The following INSR variants were observed in gnomAD, a reference collection of about 807,000 sequenced individuals.
The protein encoded by INSR is IR.
Under a neutral mutation model 142.6 loss-of-function variants are expected in INSR, and 67 were observed. The ratio of observed to expected loss-of-function variants is 0.47; its 90% CI spans 0.39 to 0.58. The LOEUF (loss-of-function observed/expected upper bound fraction) is 0.58. Among genes scored for constraint, INSR ranks in the 20% least tolerant of loss-of-function variants. The pLI, the probability that INSR is intolerant of heterozygous loss-of-function variation, is 0.00. For synonymous variants in INSR, 756 were observed against 743.1 expected (o/e 1.02, Z -0.28); for missense variants, 1,248 against 1,833.2 (o/e 0.68, Z 5.83).
At chr19:7,246,575 T>C (rs568060220) in intron 2 of INSR, among the ~76,000 whole-genome samples, 2 of 152,336 alleles carry the variant, frequency 1.3e-5, no homozygotes, top group South Asian at 4.1e-4. Context: ...CAAAGAATCA[T>C]GAGCTAAGTA....
intron 2 of INSR, among the ~76,000 whole-genome samples, chr19:7,200,659 C>G (rs1175798649): frequency 6.6e-6 from 1 of 151,306 alleles, no homozygotes; most frequent in Non-Finnish European, 1.5e-5. Flanking sequence ...GGCAACATAG[C>G]AAGACCTCAT....
chr19:7,238,981 A>AAAAAAG (rs1347970882), intron 2 of INSR, among the ~76,000 whole-genome samples: 1 of 151,540 alleles, frequency 6.6e-6, no homozygotes, highest in African/African-American at 2.4e-5. Context: ...AAAAAAAAAA[A>AAAAAAG]AAAAAGGTTA....
intron 2 of INSR, among the ~76,000 whole-genome samples, chr19:7,198,460 G>A (rs59165976): frequency 1.3e-5 from 2 of 151,994 alleles, no homozygotes; most frequent in Non-Finnish European, 2.9e-5. Context: ...GGCTCATCAA[G>A]CATCCACCGG....
intron 2 of INSR, among the ~76,000 whole-genome samples, chr19:7,252,875 GGAGGCCAAGGC>G (rs1280619376): frequency 6.6e-6 from 1 of 151,838 alleles, no homozygotes; most frequent in East Asian, 1.9e-4. Flanking sequence ...CAGCACCCTG[GGAGGCCAAGGC>G]GGGCAGATCA....
At chr19:7,121,372 G>A (rs918890824) in intron 19 of INSR, among the ~76,000 whole-genome samples, 2 of 152,130 alleles carry the variant, frequency 1.3e-5, no homozygotes, top group Non-Finnish European at 2.9e-5. Flanking sequence ...AGATAATGTC[G>A]AGATGACTTG....
intron 1 of INSR, among the ~76,000 whole-genome samples, chr19:7,283,285 C>A (rs994879519): frequency 6.6e-6 from 1 of 152,126 alleles, no homozygotes; most frequent in African/African-American, 2.4e-5. Context: ...GCAGGGATTC[C>A]CCTCCCTGAA....
rs1242794097 is a variant in INSR at position 7,112,396 on chromosome 19, AAAT to A, written c.*4657_*4659del. 1 of 152,182 alleles carries A rather than the reference AAAT, an allele frequency of 6.6e-6. No homozygotes were observed. Among genetic ancestry groups the A allele is most frequent in the African/African-American group, 2.4e-5 (1 of 41,430 alleles). The allele number at this position is 152,182 out of a possible 1,614,324, so 9.4% of individuals were successfully genotyped here. ...TGGCTCTTGTAGGAAAACATTGAAA[AAAT>A]AATAATTGAGCTGTTGGGGGGTTTT... On this transcript the variant is annotated 3_prime_UTR_variant, in exon 22 of 22. Coordinates refer to ENST00000302850, the MANE Select transcript of INSR (RefSeq NM_000208.4).
chr19:7,204,259 T>C (rs2145054890), intron 2 of INSR, among the ~76,000 whole-genome samples: 1 of 152,266 alleles, frequency 6.6e-6, no homozygotes, highest in African/African-American at 2.4e-5. Flanking sequence ...TTCACCATGT[T>C]GGCCAGGCTG....
At chr19:7,134,448 G>T (rs1237839720) in intron 13 of INSR, among the ~76,000 whole-genome samples, 1 of 73,984 alleles carries the variant, frequency 1.4e-5, no homozygotes, top group East Asian at 4.4e-4. Context: ...GCTGCCTTTC[G>T]ATTTTTTTTT....
chr19:7,177,702 A>ATTTTTT (rs71177166), intron 3 of INSR, among the ~76,000 whole-genome samples: 60 of 90,606 alleles, frequency 6.6e-4, no homozygotes, highest in East Asian at 1.1e-3. Context: ...CTAATTTTGT[A>ATTTTTT]TTTTTTTTTT....
intron 1 of INSR, chr19:7,268,495 T>C: frequency 1.0e-6 from 1 of 985,222 alleles, no homozygotes; most frequent in Non-Finnish European, 1.2e-6. Flanking sequence ...AGGCGGTCCC[T>C]CCCAGGCCCC....
Position 7,119,228 on chromosome 19 carries a change from A to G in INSR, c.3794+221T>C, listed in dbSNP as rs999760753. 5.3e-5 allele frequency among the ~76,000 whole-genome samples: 8 copies of G among 152,378 alleles called. 1 individual carries two copies. The highest frequency in any genetic ancestry group is 1.9e-4 in the African/African-American group (8 of 41,590). The stretch of plus-strand genomic sequence containing the variant: ...ATATAATATGCAAACGTAAGCGTAC[A>G]TGTAGCACATATGGGAACTCAAGTG... On this transcript the variant is annotated intron_variant, in intron 21 of 21. Coordinates refer to ENST00000302850, the MANE Select transcript of INSR (RefSeq NM_000208.4). This position sits in a 1 kb window ranked among gnomAD's most constrained non-coding sequence, Gnocchi z 5.2.
Position 7,117,123 on chromosome 19 carries a change from T to A in INSR, c.4082A>T (p.Tyr1361Phe). ...FKRSYEEHIP[Y>F]THMNGGKKNG... ...TTTCTTGCCTCCGTTCATGTGTGTG[T>A]AAGGGATGTGTTCCTCGTAGCTCCG... The change falls in exon 22 of 22, where the codon TAC (tyrosine) becomes TTC (phenylalanine). Residue 1361 changes from tyrosine (Y) to phenylalanine (F), a missense_variant. By Grantham distance (22) the Tyr-to-Phe change is conservative. This residue lies in a region of INSR where 122 missense variants were observed against 129.8 expected (regional missense o/e 0.94). Coordinates refer to ENST00000302850, the MANE Select transcript of INSR (RefSeq NM_000208.4). 6.2e-7 allele frequency: 1 copy of A among 1,614,150 alleles called. No homozygotes were observed. Among genetic ancestry groups the A allele is most frequent in the Non-Finnish European group, 8.5e-7 (1 of 1,180,030 alleles).
At chr19:7,262,362 C>A (rs1379335168) in intron 2 of INSR, among the ~76,000 whole-genome samples, 1 of 152,132 alleles carries the variant, frequency 6.6e-6, no homozygotes, top group Non-Finnish European at 1.5e-5. Flanking sequence ...ATCCGAGCCA[C>A]GCGGGAGGCT....
intron 2 of INSR, among the ~76,000 whole-genome samples, chr19:7,190,956 T>C (rs1374775490): frequency 2.0e-5 from 3 of 152,192 alleles, no homozygotes; most frequent in Non-Finnish European, 2.9e-5. Context: ...AAACATCACA[T>C]GGTACCCCAT....
intron 1 of INSR, among the ~76,000 whole-genome samples, chr19:7,276,277 C>T (rs183752866): frequency 1.3e-5 from 2 of 151,996 alleles, no homozygotes; most frequent in African/African-American, 4.8e-5. Flanking sequence ...TCCCAAGTAG[C>T]TGGGACTACA....
chr19:7,245,943 A>T (rs1293133874), intron 2 of INSR, among the ~76,000 whole-genome samples: 1 of 152,144 alleles, frequency 6.6e-6, no homozygotes, highest in Non-Finnish European at 1.5e-5. Flanking sequence ...TTACTGGGGA[A>T]GGAATTGGTT....
intron 9 of INSR, 142 bp downstream of exon 9, chr19:7,162,890 T>C (rs901356096): frequency 5.6e-6 from 4 of 714,944 alleles, no homozygotes; most frequent in Non-Finnish European, 1.0e-5. Flanking sequence ...TGTTTTCATA[T>C]GAGATAGAAT....
rs1166788539 is a variant in INSR, at chr19:7,248,148, TA to T, written c.652+19196del. 4.0e-5 allele frequency among the ~76,000 whole-genome samples: 6 copies of T among 151,004 alleles called. 2 individuals carry two copies. Among genetic ancestry groups the T allele is most frequent in the African/African-American group, 1.5e-4 (6 of 41,282 alleles). On this transcript the variant is annotated intron_variant, in intron 2 of 21. Coordinates refer to ENST00000302850, the MANE Select transcript of INSR (RefSeq NM_000208.4). ...ACTCCATCTTTTATTTTTTATTTTT[TA>T]TTTTTTTATTTTTGGAGACAGGGTC...
Sources: gnomAD v4.1 joint callset for allele counts (sites outside exome capture counted in the v4.1 genomes callset) on GRCh38, gnomAD v4.1.1 for gene constraint, gnomAD v4.1.1 regional missense constraint, Gnocchi (gnomAD v3.1) non-coding constraint, MANE v1.5 for transcripts, NCBI Gene and HGNC (gene_info 2026-07-23, HGNC 2026-07-21) for gene names.